Variants in COG7 observed in about 807,000 individuals in gnomAD.
COG7 encodes the protein conserved oligomeric Golgi complex subunit 7.
In COG7, 49 loss-of-function variants were observed where a neutral mutation model predicts 91.5. The observed-to-expected ratio is 0.54, with a 90% confidence interval of 0.43 to 0.68. The LOEUF is 0.68. Among genes scored for constraint, COG7 ranks in the 30% least tolerant of loss-of-function variants. COG7 has a pLI of 0.00. For missense variants in COG7, 895 were observed against 961.3 expected (o/e 0.93, Z 0.91); for synonymous variants, 365 against 388.7 (o/e 0.94, Z 0.72).
intron 14 of COG7, among the ~76,000 whole-genome samples, chr16:23,394,461 G>T (rs538567810): frequency 1.3e-5 from 2 of 151,136 alleles, no homozygotes; most frequent in African/African-American, 4.8e-5. Context: ...GACTTTTCAG[G>T]TTTCAAAATG....
chr16:23,449,435 A>G (rs936035699), intron 1 of COG7, among the ~76,000 whole-genome samples: 21 of 146,332 alleles, frequency 1.4e-4, no homozygotes, highest in Admixed American at 1.4e-3. Context: ...ATAAAAAATA[A>G]ATAAAATAAA....
At chr16:23,411,582 G>A (rs999839045) in intron 10 of COG7, among the ~76,000 whole-genome samples, 14 of 152,146 alleles carry the variant, frequency 9.2e-5, no homozygotes, top group Admixed American at 3.9e-4. Context: ...GTGTGTCATC[G>A]TGGTTTGCTG....
At chr16:23,397,244 C>T (rs967285911) in intron 14 of COG7, among the ~76,000 whole-genome samples, 1 of 152,194 alleles carries the variant, frequency 6.6e-6, no homozygotes, top group Non-Finnish European at 1.5e-5. Context: ...CCTTTCTAGT[C>T]ATTTTGGCAG....
At chr16:23,402,934 G>C (rs941881396) in intron 13 of COG7, among the ~76,000 whole-genome samples, 2 of 152,210 alleles carry the variant, frequency 1.3e-5, no homozygotes, top group Admixed American at 6.5e-5. Context: ...GAGCACGTTT[G>C]ATTTTGCCAG....
chr16:23,426,316 C>T (rs778450078), intron 6 of COG7, among the ~76,000 whole-genome samples: 4 of 152,112 alleles, frequency 2.6e-5, no homozygotes, highest in Non-Finnish European at 4.4e-5. Flanking sequence ...CTGAGTTCAG[C>T]AGCATATTAA....
chr16:23,451,761 T>C (rs1176739950), intron 1 of COG7, among the ~76,000 whole-genome samples: 1 of 151,172 alleles, frequency 6.6e-6, no homozygotes, highest in Non-Finnish European at 1.5e-5. Context: ...AAGTCTCCAC[T>C]GAGACCAGCC....
intron 13 of COG7, among the ~76,000 whole-genome samples, chr16:23,399,692 T>C (rs1425513486): frequency 1.3e-5 from 2 of 151,986 alleles, no homozygotes; most frequent in African/African-American, 2.4e-5. Flanking sequence ...GGCCATAGGA[T>C]GTATGCGGTA....
chr16:23,440,510 ATTTT>A (rs5816213), intron 4 of COG7, among the ~76,000 whole-genome samples: 1 of 146,750 alleles, frequency 6.8e-6, no homozygotes, highest in Admixed American at 6.9e-5. Context: ...AACAAAACCT[ATTTT>A]TTTTTTTTTG....
At chr16:23,412,496 C>A (rs1378052180) in intron 10 of COG7, 1 of 152,214 alleles carries the variant, frequency 6.6e-6, no homozygotes, top group East Asian at 1.9e-4. Context: ...GGCCATAGGC[C>A]AACAGTCCAT....
At position 23,417,036 on chromosome 16, in the gene COG7, C is replaced by A. The variant is rs1487311915; in HGVS notation, c.1223G>T (p.Arg408Ile). 1.2e-6 allele frequency: 2 copies of A among 1,614,238 alleles called. No homozygotes were observed. Among genetic ancestry groups the A allele is most frequent in the Non-Finnish European group, 1.7e-6 (2 of 1,180,038 alleles). The change falls in exon 9 of 17, where the codon AGA (arginine) becomes ATA (isoleucine). Residue 408 changes from arginine (R) to isoleucine (I), a missense_variant. Physicochemically the swap from Arg to Ile is moderately conservative, Grantham distance 97. Transcript: ENST00000307149. Reference sequence around the variant, plus strand: ...CAGGCCATTGGTGAATCTGACGCATCTGTCAACGGCTGCAGACGCCAGACC... The same window carrying A: ...CAGGCCATTGGTGAATCTGACGCATATGTCAACGGCTGCAGACGCCAGACC... ...LFGLASAAVDRCVRFTNGLGT... is the reference protein window; with the variant it reads ...LFGLASAAVDICVRFTNGLGT...
At chr16:23,426,818 C>CAAAAAAA (rs1176659874) in intron 6 of COG7, among the ~76,000 whole-genome samples, 4 of 60,270 alleles carry the variant, frequency 6.6e-5, no homozygotes, top group African/African-American at 1.3e-4. Context: ...AGCAATTGGA[C>CAAAAAAA]AAAAAAAAAA....
At chr16:23,418,905 C>G (rs751766541) in intron 7 of COG7, 78 bp from the exon 8 acceptor site, 2 of 1,340,424 alleles carry the variant, frequency 1.5e-6, no homozygotes, top group Non-Finnish European at 1.1e-6. Flanking sequence ...AATCAAGAGG[C>G]GCTCTACTAG....
chr16:23,434,425 G>C (rs1006303239), intron 5 of COG7, among the ~76,000 whole-genome samples: 3 of 152,194 alleles, frequency 2.0e-5, no homozygotes, highest in Non-Finnish European at 4.4e-5. Flanking sequence ...AAACAGAAAA[G>C]AGAATGAAAA....
Position 23,445,162 on chromosome 16 carries a change from C to T in COG7, c.321G>A (p.Val107=), listed in dbSNP as rs1964161587. The change falls in exon 3 of 17, where the codon GTG becomes GTA. Residue 107 remains valine (V), a splice_region_variant and synonymous_variant. Transcript: ENST00000307149. The part of the protein sequence containing the change: ...FEQDTSQSMQ[V]LVEIDQVKSR... ...ACTTCACTTGGTCAATTTCTACCAA[C>T]ACCTGAAAGAGGCGTGAGGGGTGAA... 1 of 1,611,526 alleles carries T rather than the reference C, an allele frequency of 6.2e-7. No individual in the cohort carries two copies. The highest frequency in any genetic ancestry group is 1.3e-5 in the African/African-American group (1 of 74,878).
chr16:23,415,893 G>GA (rs1963645309), intron 9 of COG7: 1 of 152,078 alleles, frequency 6.6e-6, no homozygotes, highest in African/African-American at 2.4e-5. Flanking sequence ...GCTTCAACCT[G>GA]ATTTCCCTGA....
intron 1 of COG7, among the ~76,000 whole-genome samples, chr16:23,451,555 A>T (rs1964265495): frequency 6.6e-6 from 1 of 152,028 alleles, no homozygotes; most frequent in South Asian, 2.1e-4. Flanking sequence ...CTCTAAAAAA[A>T]AATTTTTTTT....
intron 6 of COG7, among the ~76,000 whole-genome samples, chr16:23,429,290 C>A (rs250551): frequency 2.6e-5 from 4 of 151,858 alleles, no homozygotes; most frequent in Non-Finnish European, 5.9e-5. Flanking sequence ...ACGCCTGGCT[C>A]GGCAGTTTCT....
At chr16:23,436,471 T>TGG (rs765770763) in intron 4 of COG7, among the ~76,000 whole-genome samples, 2 of 152,116 alleles carry the variant, frequency 1.3e-5, no homozygotes, top group Non-Finnish European at 2.9e-5. Context: ...AGGTGGCTCA[T>TGG]GACTATAATC....
chr16:23,451,839 C>G (rs1238359153), intron 1 of COG7, among the ~76,000 whole-genome samples: 1 of 151,884 alleles, frequency 6.6e-6, no homozygotes, highest in Non-Finnish European at 1.5e-5. Context: ...TCTCTTATAC[C>G]TATACTATAA....
Sources: allele counts gnomAD v4.1 joint callset (sites outside exome capture counted in the v4.1 genomes callset), GRCh38; gene constraint gnomAD v4.1.1; transcripts MANE v1.5; gene names NCBI Gene and HGNC (gene_info 2026-07-23, HGNC 2026-07-21).